SLC4A4: variants seen among roughly 807,000 people sequenced by gnomAD.
The protein encoded by SLC4A4 is electrogenic sodium bicarbonate cotransporter 1.
Under a neutral mutation model 111.5 loss-of-function variants are expected in SLC4A4, and 27 were observed. That is an observed-to-expected ratio of 0.24 (90% CI 0.18 to 0.33). The LOEUF (loss-of-function observed/expected upper bound fraction) is 0.33. SLC4A4 is among the 10% of genes least tolerant of loss of function. SLC4A4 has a pLI of 1.00. For missense variants in SLC4A4, 909 were observed against 1,315.5 expected (o/e 0.69, Z 4.78); for synonymous variants, 443 against 463.4 (o/e 0.96, Z 0.57).
intron 7 of SLC4A4, chr4:71,437,086 T>G: frequency 2.3e-6 from 1 of 436,760 alleles, no homozygotes; most frequent in South Asian, 1.8e-5. Flanking sequence ...AATCACTTCT[T>G]TGTGGACTTT....
intron 6 of SLC4A4, among the ~76,000 whole-genome samples, chr4:71,385,171 T>TTATATATATATATATA (rs199563560): frequency 3.5e-4 from 14 of 40,010 alleles, no homozygotes; most frequent in African/African-American, 5.7e-4. Flanking sequence ...TAGGTTAGAT[T>TTATATATATATATATA]TATATATATA....
At chr4:71,193,202 C>T (rs1466431972) in intron 1 of SLC4A4, among the ~76,000 whole-genome samples, 1 of 152,200 alleles carries the variant, frequency 6.6e-6, no homozygotes, top group African/African-American at 2.4e-5. Context: ...GTCTGTCGCC[C>T]AGGCTGGAGT....
chr4:71,297,362 G>A (rs1052415741), intron 3 of SLC4A4, among the ~76,000 whole-genome samples: 3 of 152,110 alleles, frequency 2.0e-5, no homozygotes, highest in Non-Finnish European at 4.4e-5. Context: ...CTGCCGTGTA[G>A]CATCATACAT....
intron 2 of SLC4A4, among the ~76,000 whole-genome samples, chr4:71,165,912 C>T (rs1218889222): frequency 6.6e-6 from 1 of 152,020 alleles, no homozygotes; most frequent in East Asian, 1.9e-4. Context: ...CATGTAGTTA[C>T]TGTTTTTTAG....
chr4:71,244,641 C>T (rs1720499460), intron 2 of SLC4A4, among the ~76,000 whole-genome samples: 1 of 152,154 alleles, frequency 6.6e-6, no homozygotes, highest in African/African-American at 2.4e-5. Context: ...GCAACACTTT[C>T]TCACCAGTGG....
Position 71,348,313 on chromosome 4 carries a change from T to TCACACACACACA in SLC4A4, c.390-1569_390-1558dup, listed in dbSNP as rs35326504. On this transcript the variant is annotated intron_variant, in intron 4 of 25. Coordinates refer to ENST00000264485, the MANE Select transcript of SLC4A4 (RefSeq NM_001098484.3). Reference sequence around the variant, plus strand: ...TCAAAGTGAAGAAATACTAATTTAGTCACACACACACACACACACACACAC... The same window carrying TCACACACACACA: ...TCAAAGTGAAGAAATACTAATTTAGTCACACACACACACACACACACACACACACACACACAC... 5.4e-4 allele frequency among the ~76,000 whole-genome samples: 78 copies of TCACACACACACA among 143,840 alleles called. 1 individual carries two copies. The South Asian group carries it at 0.013, about 25-fold the overall frequency. 94.4% of individuals were successfully genotyped at this position (143,840 alleles called of 152,430 possible). A position where few individuals can be genotyped will look rare whatever the true frequency, so the allele number is the denominator to read the frequency against.
intron 1 of SLC4A4, among the ~76,000 whole-genome samples, chr4:71,080,254 C>A (rs1741956642): frequency 6.6e-6 from 1 of 151,996 alleles, no homozygotes; most frequent in Non-Finnish European, 1.5e-5. Flanking sequence ...TAGAGACTAC[C>A]CACGAGTGTC....
intron 16 of SLC4A4, among the ~76,000 whole-genome samples, chr4:71,508,820 C>T (rs927491614): frequency 6.6e-6 from 1 of 152,120 alleles, no homozygotes; most frequent in Non-Finnish European, 1.5e-5. Flanking sequence ...AGAAGTTTAG[C>T]CAGTATCCTT....
At chr4:71,152,021 CAA>C (rs201549552) in intron 2 of SLC4A4, among the ~76,000 whole-genome samples, 6 of 150,428 alleles carry the variant, frequency 4.0e-5, no homozygotes, top group Non-Finnish European at 8.9e-5. Context: ...AAAACCCTCT[CAA>C]AAAAAAATTT....
intron 7 of SLC4A4, among the ~76,000 whole-genome samples, chr4:71,406,937 C>A (rs755387218): frequency 2.6e-5 from 4 of 152,156 alleles, no homozygotes; most frequent in Non-Finnish European, 5.9e-5. Flanking sequence ...CTAATTACAA[C>A]TAATGCTTTG....
At chr4:71,523,081 T>C (rs938884555) in intron 16 of SLC4A4, among the ~76,000 whole-genome samples, 5 of 152,208 alleles carry the variant, frequency 3.3e-5, no homozygotes, top group African/African-American at 1.2e-4. Context: ...CATTCTGGTT[T>C]CTTTTGCTCT....
At position 71,329,946 on chromosome 4, in the gene SLC4A4, G is replaced by A. The variant is rs193153328; in HGVS notation, c.254-9424G>A. 1.6e-4 allele frequency among the ~76,000 whole-genome samples: 24 copies of A among 151,364 alleles called. No homozygotes were observed. The East Asian group carries it at 4.5e-3, about 28-fold the overall frequency. ...CCATTCAGCATGATACTAGGTGTAG[G>A]TCTGTTCTTCTATTAATATTATATT... On this transcript the variant is annotated intron_variant, in intron 3 of 25. Transcript: ENST00000264485.
chr4:71,531,734 A>G (rs934762526), intron 16 of SLC4A4, among the ~76,000 whole-genome samples: 2 of 145,106 alleles, frequency 1.4e-5, no homozygotes, highest in South Asian at 2.2e-4. Context: ...GGTACGTTCT[A>G]TTTGATTGCC....
chr4:71,468,891 A>G lies in SLC4A4; in HGVS notation c.1631+2314A>G, dbSNP rs1577978102. On this transcript the variant is annotated intron_variant, in intron 13 of 25. Transcript: ENST00000264485. ...ACTTTGTCTTGCCCAGATTTTCCCC[A>G]ACATATTTTACCACTGTTGAAGAAT... 2.0e-5 allele frequency among the ~76,000 whole-genome samples: 3 copies of G among 152,094 alleles called. No individual in the cohort carries two copies. In the East Asian group the frequency reaches 5.8e-4, roughly 29 times the overall value.
intron 6 of SLC4A4, among the ~76,000 whole-genome samples, chr4:71,366,684 A>G (rs1285036294): frequency 6.6e-6 from 1 of 152,208 alleles, no homozygotes; most frequent in Non-Finnish European, 1.5e-5. Context: ...TGGTGAAAGC[A>G]TTGTGTAGAC....
chr4:71,496,221 G>T (rs560493709), intron 15 of SLC4A4, among the ~76,000 whole-genome samples: 7 of 152,122 alleles, frequency 4.6e-5, no homozygotes, highest in African/African-American at 1.7e-4. Flanking sequence ...TTTAGAAAAG[G>T]TTTCTTAGGC....
chr4:71,085,392 A>C (rs1379961938), intron 1 of SLC4A4, among the ~76,000 whole-genome samples: 2 of 151,998 alleles, frequency 1.3e-5, no homozygotes, highest in African/African-American at 4.8e-5. Flanking sequence ...TTTGCTGTGC[A>C]GAAGCTCTTG....
rs1187947496 is a variant in SLC4A4 at position 71,329,494 on chromosome 4, C to T, written c.254-9876C>T. ...ATTTTGTTATGTCTTCAATTTCGTG[C>T]ATCAATGTTTTATAGTTTTCATTGT... On this transcript the variant is annotated intron_variant, in intron 3 of 25. Coordinates refer to ENST00000264485, the MANE Select transcript of SLC4A4 (RefSeq NM_001098484.3). Among the ~76,000 whole-genome samples the T allele has an allele frequency of 5.3e-5, 8 of 152,140 alleles. No homozygotes were observed. The East Asian group carries it at 1.5e-3, about 29-fold the overall frequency.
intron 2 of SLC4A4, among the ~76,000 whole-genome samples, chr4:71,125,074 G>T (rs1337224464): frequency 6.6e-6 from 1 of 152,010 alleles, no homozygotes; most frequent in South Asian, 2.1e-4. Context: ...ATTTTTTTTG[G>T]ATTAGCTTCT....
Sources: allele counts gnomAD v4.1 joint callset (sites outside exome capture counted in the v4.1 genomes callset), GRCh38; gene constraint gnomAD v4.1.1; transcripts MANE v1.5; gene names NCBI Gene and HGNC (gene_info 2026-07-23, HGNC 2026-07-21).